The following CNTNAP2 variants were observed in gnomAD, a reference collection of about 807,000 sequenced individuals.
CNTNAP2 encodes the protein contactin associated protein 2, also known as contactin-associated protein-like 2.
Under a neutral mutation model 155.2 loss-of-function variants are expected in CNTNAP2, and 98 were observed. That is an observed-to-expected ratio of 0.63 (90% CI 0.54 to 0.75). The LOEUF is 0.75. Ranked by LOEUF, CNTNAP2 falls within the 30% of genes least tolerant of loss-of-function variation. The pLI, the probability that CNTNAP2 is intolerant of heterozygous loss-of-function variation, is 0.00. For missense variants in CNTNAP2, 1,727 were observed against 1,688.1 expected (o/e 1.02, Z -0.40); for synonymous variants, 651 against 631.2 (o/e 1.03, Z -0.47).
chr7:148,023,298 T>A (rs1209189266), intron 15 of CNTNAP2, among the ~76,000 whole-genome samples: 1 of 152,168 alleles, frequency 6.6e-6, no homozygotes, highest in African/African-American at 2.4e-5. Flanking sequence ...GTGACTAAGT[T>A]TCACTGAATT....
chr7:147,300,169 C>T lies in CNTNAP2; in HGVS notation c.1377C>T (p.His459=), dbSNP rs377678020. Residue 459 remains histidine (H), a synonymous_variant, in exon 9 of 24, where the codon CAC becomes CAT. Coordinates refer to ENST00000361727, the MANE Select transcript of CNTNAP2 (RefSeq NM_014141.6). The part of the protein sequence containing the change: ...SGSGLNDGQW[H]EVRFLAKENF... ...CTGGGTTGAATGATGGACAGTGGCA[C>T]GAGGTTCGCTTCCTAGCCAAGGAAA... The T allele has an allele frequency of 1.5e-5, 24 of 1,613,832 alleles. No individual in the cohort carries two copies. The highest frequency in any genetic ancestry group is 1.6e-4 in the Middle Eastern group (1 of 6,082).
chr7:146,665,191 T>G (rs551463970), intron 1 of CNTNAP2, among the ~76,000 whole-genome samples: 2 of 152,256 alleles, frequency 1.3e-5, no homozygotes, highest in African/African-American at 4.8e-5. Context: ...TCAGGTGATC[T>G]GCCCATCTTG....
chr7:147,122,304 A>G (rs1801135494), intron 6 of CNTNAP2: 1 of 152,256 alleles, frequency 6.6e-6, no homozygotes, highest in Admixed American at 6.5e-5. Flanking sequence ...CTTAGCCAGA[A>G]GTTTCCGAAC....
At chr7:146,958,708 C>T (rs1054336966) in intron 3 of CNTNAP2, among the ~76,000 whole-genome samples, 5 of 151,854 alleles carry the variant, frequency 3.3e-5, no homozygotes, top group East Asian at 1.9e-4. Context: ...CCACCACGGC[C>T]GGCCCATTTT....
At chr7:146,570,449 AT>A (rs1222391950) in intron 1 of CNTNAP2, among the ~76,000 whole-genome samples, 1 of 152,126 alleles carries the variant, frequency 6.6e-6, no homozygotes, top group South Asian at 2.1e-4. Context: ...ATTAAATATC[AT>A]TTTTTAATCC....
intron 13 of CNTNAP2, among the ~76,000 whole-genome samples, chr7:147,828,778 A>T (rs1414237977): frequency 6.6e-6 from 1 of 152,184 alleles, no homozygotes; most frequent in Non-Finnish European, 1.5e-5. Context: ...TAAATGTCCT[A>T]GTTTCTCTAA....
chr7:147,660,199 TAAC>T (rs1482851331), intron 13 of CNTNAP2, among the ~76,000 whole-genome samples: 4 of 152,232 alleles, frequency 2.6e-5, no homozygotes, highest in African/African-American at 9.6e-5. Flanking sequence ...AGCTAACTCT[TAAC>T]AAGATTGTTC....
intron 10 of CNTNAP2, among the ~76,000 whole-genome samples, chr7:147,434,498 T>G (rs1797518660): frequency 6.6e-6 from 1 of 152,206 alleles, no homozygotes; most frequent in East Asian, 1.9e-4. Context: ...TGTCTAGCAC[T>G]TTTCCGAAGG....
At chr7:146,165,089 G>C (rs1005936704) in intron 1 of CNTNAP2, among the ~76,000 whole-genome samples, 1 of 152,072 alleles carries the variant, frequency 6.6e-6, no homozygotes, top group Admixed American at 6.6e-5. Context: ...ATCTTTAAAC[G>C]TCCAAGCTGT....
At chr7:146,149,598 G>T (rs1400754242) in intron 1 of CNTNAP2, among the ~76,000 whole-genome samples, 1 of 151,954 alleles carries the variant, frequency 6.6e-6, no homozygotes, top group Non-Finnish European at 1.5e-5. Flanking sequence ...CTAGATCCAC[G>T]CAGATATGGC....
chr7:146,209,902 G>T (rs539093671), intron 1 of CNTNAP2, among the ~76,000 whole-genome samples: 79 of 152,106 alleles, frequency 5.2e-4, no homozygotes, highest in Non-Finnish European at 9.6e-4. Flanking sequence ...AGTTGTCGAG[G>T]TGAAGAATAA....
At chr7:147,377,136 T>TCCC (rs35904580) in intron 9 of CNTNAP2, among the ~76,000 whole-genome samples, 21 of 149,934 alleles carry the variant, frequency 1.4e-4, no homozygotes, top group African/African-American at 3.9e-4. Flanking sequence ...TTCCTTCTTC[T>TCCC]CCCCCCCCTT....
chr7:146,849,698 C>T (rs28502148), intron 3 of CNTNAP2, among the ~76,000 whole-genome samples: 2 of 152,050 alleles, frequency 1.3e-5, no homozygotes, highest in Non-Finnish European at 2.9e-5. Flanking sequence ...GAACAATGCC[C>T]CATAAATATA....
At chr7:148,181,883 G>A (rs1415243808) in intron 18 of CNTNAP2, among the ~76,000 whole-genome samples, 5 of 149,010 alleles carry the variant, frequency 3.4e-5, no homozygotes, top group Non-Finnish European at 5.9e-5. Flanking sequence ...TCAGCCTCCC[G>A]AGTAGCTGGG....
chr7:146,185,083 T>G (rs1168566105), intron 1 of CNTNAP2, among the ~76,000 whole-genome samples: 16 of 152,120 alleles, frequency 1.1e-4, no homozygotes, highest in Admixed American at 8.5e-4. Context: ...TAATATTACG[T>G]CCAGTGGTCA....
At chr7:148,105,351 A>G (rs569269542) in intron 15 of CNTNAP2, among the ~76,000 whole-genome samples, 12 of 152,332 alleles carry the variant, frequency 7.9e-5, no homozygotes, top group African/African-American at 2.9e-4. Flanking sequence ...CAGTGCAAAT[A>G]AAGCTGGAAT....
intron 3 of CNTNAP2, among the ~76,000 whole-genome samples, chr7:146,996,974 CTCTT>C (rs1352683256): frequency 2.0e-5 from 3 of 152,250 alleles, no homozygotes; most frequent in Non-Finnish European, 2.9e-5. Context: ...CTCATTCTCT[CTCTT>C]GCCTGCTGCC....
chr7:148,200,178 G>A (rs1219183385), intron 18 of CNTNAP2, among the ~76,000 whole-genome samples: 1 of 152,202 alleles, frequency 6.6e-6, no homozygotes, highest in Non-Finnish European at 1.5e-5. Flanking sequence ...TATCAGCCAT[G>A]TGGGCATCTC....
intron 1 of CNTNAP2, among the ~76,000 whole-genome samples, chr7:146,714,355 G>T (rs1341893372): frequency 6.6e-6 from 1 of 152,154 alleles, no homozygotes; most frequent in Non-Finnish European, 1.5e-5. Flanking sequence ...ATTTGCCTTT[G>T]AGTAGACCAA....
Sources: allele counts gnomAD v4.1 joint callset (sites outside exome capture counted in the v4.1 genomes callset), GRCh38; gene constraint gnomAD v4.1.1; transcripts MANE v1.5; gene names NCBI Gene and HGNC (gene_info 2026-07-23, HGNC 2026-07-21).